TMCC1: variants seen among roughly 807,000 people sequenced by gnomAD.
TMCC1 encodes the protein transmembrane and coiled-coil domains protein 1.
TMCC1 carries 15 observed loss-of-function variants against 52.4 expected under a neutral mutation model. That is an observed-to-expected ratio of 0.29 (90% CI 0.19 to 0.44). TMCC1 has a LOEUF of 0.44. Ranked by LOEUF, TMCC1 falls within the 20% of genes least tolerant of loss-of-function variation. The probability of loss-of-function intolerance (pLI) is 1.00; values close to 1 mark genes in which losing one functional copy is unlikely to be tolerated. For missense variants in TMCC1, 503 were observed against 806.0 expected (o/e 0.62, Z 4.55); for synonymous variants, 279 against 301.9 (o/e 0.92, Z 0.79).
intron 4 of TMCC1, among the ~76,000 whole-genome samples, chr3:129,741,256 G>A (rs1054813124): frequency 2.0e-5 from 3 of 152,132 alleles, no homozygotes; most frequent in African/African-American, 7.2e-5. Flanking sequence ...TTACATAATT[G>A]TTTTGAATAA....
At chr3:129,838,938 G>A (rs568162048) in intron 2 of TMCC1, among the ~76,000 whole-genome samples, 2 of 152,062 alleles carry the variant, frequency 1.3e-5, no homozygotes, top group African/African-American at 4.8e-5. Context: ...CAACTTTAAA[G>A]TGCTGAAAAG....
At chr3:129,695,239 G>A (rs543048048) in intron 4 of TMCC1, among the ~76,000 whole-genome samples, 1 of 151,808 alleles carries the variant, frequency 6.6e-6, no homozygotes, top group African/African-American at 2.4e-5. Flanking sequence ...GTCCTTTCAA[G>A]GGAATGCTGG....
At chr3:129,802,972 C>T (rs2057278369) in intron 4 of TMCC1, among the ~76,000 whole-genome samples, 1 of 152,208 alleles carries the variant, frequency 6.6e-6, no homozygotes, top group Non-Finnish European at 1.5e-5. Context: ...GGGCTCACCA[C>T]TGATGAGGGA....
At chr3:129,776,922 AC>A (rs2055084901) in intron 4 of TMCC1, among the ~76,000 whole-genome samples, 1 of 152,162 alleles carries the variant, frequency 6.6e-6, no homozygotes, top group Admixed American at 6.5e-5. Flanking sequence ...GGCATAAGCT[AC>A]TGTACCCAAC....
intron 4 of TMCC1, among the ~76,000 whole-genome samples, chr3:129,754,970 C>T (rs190933252): frequency 1.2e-3 from 183 of 151,890 alleles, no homozygotes; most frequent in African/African-American, 3.8e-3. Flanking sequence ...CCCAGCTACT[C>T]GGGAGGCTGA....
intron 3 of TMCC1, among the ~76,000 whole-genome samples, chr3:129,830,818 T>C (rs373248580): frequency 6.6e-6 from 1 of 152,236 alleles, no homozygotes; most frequent in African/African-American, 2.4e-5. Flanking sequence ...TGGGCACTAT[T>C]ATAAACTAAT....
At chr3:129,690,713 A>ATC (rs1279183069) in intron 4 of TMCC1, among the ~76,000 whole-genome samples, 1 of 152,198 alleles carries the variant, frequency 6.6e-6, no homozygotes, top group Non-Finnish European at 1.5e-5. Context: ...CATGGATCAA[A>ATC]TCTGCTTTGA....
intron 4 of TMCC1, among the ~76,000 whole-genome samples, chr3:129,791,342 C>T (rs2056447868): frequency 6.6e-6 from 1 of 152,050 alleles, no homozygotes; most frequent in South Asian, 2.1e-4. Flanking sequence ...ATCTACCCAC[C>T]TTGGCCTCCC....
chr3:129,810,415 A>T (rs187850875), intron 4 of TMCC1, among the ~76,000 whole-genome samples: 1 of 152,312 alleles, frequency 6.6e-6, no homozygotes, highest in African/African-American at 2.4e-5. Context: ...ACGCAGAACC[A>T]AAACAGGTAA....
chr3:129,893,370 G>A (rs952549588), intron 1 of TMCC1, 124 bp downstream of exon 1: 1 of 152,486 alleles, frequency 6.6e-6, no homozygotes, highest in Admixed American at 6.5e-5. Context: ...CCGCGAGCGG[G>A]AGGCCAGGCC....
chr3:129,791,286 G>A (rs944278922), intron 4 of TMCC1, among the ~76,000 whole-genome samples: 26 of 151,752 alleles, frequency 1.7e-4, no homozygotes, highest in Admixed American at 1.7e-3. Flanking sequence ...GTAGAGATGG[G>A]GTTTCACCAT....
intron 2 of TMCC1, among the ~76,000 whole-genome samples, chr3:129,859,435 G>C (rs1442367163): frequency 6.6e-6 from 1 of 152,056 alleles, no homozygotes; most frequent in Non-Finnish European, 1.5e-5. Context: ...CCAGGAGTTT[G>C]AGAACAGCCT....
At chr3:129,711,997 G>A (rs1230901859) in intron 4 of TMCC1, among the ~76,000 whole-genome samples, 1 of 42,776 alleles carries the variant, frequency 2.3e-5, no homozygotes, top group Non-Finnish European at 3.7e-5. Flanking sequence ...GTGAGACTCT[G>A]TCTCAAAAAA....
At chr3:129,682,950 C>T (rs2089125612) in intron 4 of TMCC1, among the ~76,000 whole-genome samples, 1 of 152,238 alleles carries the variant, frequency 6.6e-6, no homozygotes, top group African/African-American at 2.4e-5. Flanking sequence ...ATTCTCCTGC[C>T]TCAGACTCCT....
intron 2 of TMCC1, chr3:129,847,918 C>T (rs994936668): frequency 9.2e-5 from 14 of 152,194 alleles, no homozygotes; most frequent in African/African-American, 3.4e-4. Flanking sequence ...TCCCTAATGA[C>T]TTACGACTTT....
intron 4 of TMCC1, among the ~76,000 whole-genome samples, chr3:129,785,556 TACATACAC>T (rs994503628): frequency 7.4e-6 from 1 of 134,710 alleles, no homozygotes; most frequent in Non-Finnish European, 1.5e-5. Flanking sequence ...AGTCTCAATA[TACATACAC>T]ACACACACAC....
At position 129,797,986 on chromosome 3, in the gene TMCC1, C is replaced by CTT. The variant is rs11417298; in HGVS notation, c.576+29815_576+29816dup. On this transcript the variant is annotated intron_variant, in intron 4 of 6. Coordinates refer to ENST00000393238, the MANE Select transcript of TMCC1 (RefSeq NM_001017395.5). ...TTGACAGAGCACCCGAGTTGTGTGCCTTTTTTTTTTTTTTCTTTTTTTTTT... is the reference window on the plus strand; with the variant it reads ...TTGACAGAGCACCCGAGTTGTGTGCCTTTTTTTTTTTTTTTTCTTTTTTTTTT... Among the ~76,000 whole-genome samples, 668 of 136,056 alleles carry CTT rather than the reference C, an allele frequency of 4.9e-3. 4 individuals carry two copies. The highest frequency in any genetic ancestry group is 8.1e-3 in the South Asian group (35 of 4,318). 89.3% of individuals were successfully genotyped at this position (136,056 alleles called of 152,430 possible).
chr3:129,655,596 A>G (rs2086618629), intron 5 of TMCC1, among the ~76,000 whole-genome samples: 2 of 152,176 alleles, frequency 1.3e-5, no homozygotes, highest in Non-Finnish European at 2.9e-5. Context: ...GGGGTCCATC[A>G]TCCCCATGGC....
intron 4 of TMCC1, among the ~76,000 whole-genome samples, chr3:129,754,232 G>T (rs1443105276): frequency 2.0e-5 from 3 of 152,108 alleles, no homozygotes; most frequent in Non-Finnish European, 4.4e-5. Context: ...AGAAACCAAA[G>T]AAGAGTCAAA....
Sources: allele counts gnomAD v4.1 joint callset (sites outside exome capture counted in the v4.1 genomes callset), GRCh38; gene constraint gnomAD v4.1.1; transcripts MANE v1.5; gene names NCBI Gene and HGNC (gene_info 2026-07-23, HGNC 2026-07-21).